The following HECW1 variants were observed in gnomAD, a reference collection of about 807,000 sequenced individuals.
HECW1 encodes the protein HECT, C2 and WW domain containing E3 ubiquitin protein ligase 1, also known as E3 ubiquitin-protein ligase HECW1.
In HECW1, 61 loss-of-function variants were observed where a neutral mutation model predicts 182.3. That is an observed-to-expected ratio of 0.33 (90% CI 0.27 to 0.41). The LOEUF is 0.41. Among genes scored for constraint, HECW1 ranks in the 10% least tolerant of loss-of-function variants. HECW1 has a pLI of 1.00. For synonymous variants in HECW1, 859 were observed against 832.6 expected (o/e 1.03, Z -0.55); for missense variants, 1,739 against 2,108.9 (o/e 0.82, Z 3.44).
chr7:43,367,102 A>G (rs1244522683), intron 6 of HECW1, among the ~76,000 whole-genome samples: 1 of 152,186 alleles, frequency 6.6e-6, no homozygotes, highest in Non-Finnish European at 1.5e-5. Flanking sequence ...GGCTTTCATG[A>G]TATCACCAGG....
At chr7:43,266,638 GA>G (rs1045623762) in intron 3 of HECW1, among the ~76,000 whole-genome samples, 86 of 152,170 alleles carry the variant, frequency 5.7e-4, no homozygotes, top group African/African-American at 2.0e-3. Flanking sequence ...CCGGCCTCAG[GA>G]AATGTTTTAA....
At chr7:43,185,657 G>A (rs1793328238) in intron 2 of HECW1, among the ~76,000 whole-genome samples, 1 of 152,170 alleles carries the variant, frequency 6.6e-6, no homozygotes, top group Non-Finnish European at 1.5e-5. Flanking sequence ...TTGTATGAGA[G>A]TAGGAGAAAG....
intron 2 of HECW1, among the ~76,000 whole-genome samples, chr7:43,212,454 A>G (rs1418897702): frequency 1.3e-5 from 2 of 152,194 alleles, no homozygotes; most frequent in African/African-American, 2.4e-5. Context: ...TTATGTTATA[A>G]TTATGTTTAA....
At chr7:43,529,961 T>A (rs139484352) in intron 24 of HECW1, among the ~76,000 whole-genome samples, 433 of 151,928 alleles carry the variant, frequency 2.9e-3, no homozygotes, top group African/African-American at 9.9e-3. Flanking sequence ...TTATTTATTT[T>A]TTTTTTGAGA....
At chr7:43,451,728 T>A (rs1033568837) in intron 12 of HECW1, among the ~76,000 whole-genome samples, 2 of 152,220 alleles carry the variant, frequency 1.3e-5, no homozygotes, top group African/African-American at 4.8e-5. Flanking sequence ...CCCCAGACAT[T>A]ATATATTCAC....
intron 2 of HECW1, among the ~76,000 whole-genome samples, chr7:43,162,354 C>T (rs181731731): frequency 6.6e-6 from 1 of 152,330 alleles, no homozygotes; most frequent in East Asian, 1.9e-4. Context: ...GCTCCAGAGC[C>T]CAATCAGTGC....
chr7:43,552,881 A>G (rs1035400459), intron 28 of HECW1, among the ~76,000 whole-genome samples: 7 of 152,060 alleles, frequency 4.6e-5, no homozygotes, highest in African/African-American at 9.7e-5. Context: ...CCAACTCCCA[A>G]CCTGAACTTT....
At chr7:43,379,647 G>A (rs773638546) in intron 6 of HECW1, among the ~76,000 whole-genome samples, 2 of 152,042 alleles carry the variant, frequency 1.3e-5, no homozygotes, top group Admixed American at 6.5e-5. Flanking sequence ...CTTGAATACA[G>A]CAAGATGGTT....
chr7:43,273,877 G>A (rs1166411372), intron 3 of HECW1, among the ~76,000 whole-genome samples: 9 of 144,904 alleles, frequency 6.2e-5, no homozygotes, highest in Non-Finnish European at 1.0e-4. Flanking sequence ...TTTTTGAGAT[G>A]GAGTCTCTCT....
chr7:43,210,767 C>T (rs560580006), intron 2 of HECW1, among the ~76,000 whole-genome samples: 15 of 152,250 alleles, frequency 9.9e-5, no homozygotes, highest in South Asian at 2.1e-4. Context: ...CAGCAATGGG[C>T]GCCTCACTGG....
intron 2 of HECW1, among the ~76,000 whole-genome samples, chr7:43,142,613 C>T (rs1215320313): frequency 6.6e-6 from 1 of 152,156 alleles, no homozygotes; most frequent in Admixed American, 6.5e-5. Context: ...CAGGCCTGGC[C>T]CCTCTGTGGC....
chr7:43,540,528 T>TA (rs2081326912), intron 24 of HECW1, among the ~76,000 whole-genome samples: 1 of 152,220 alleles, frequency 6.6e-6, no homozygotes, highest in Non-Finnish European at 1.5e-5. Context: ...TAAAGGCACT[T>TA]ACATCTGGAG....
At chr7:43,478,299 C>G (rs542901430) in intron 16 of HECW1, among the ~76,000 whole-genome samples, 7 of 152,134 alleles carry the variant, frequency 4.6e-5, no homozygotes, top group Admixed American at 4.6e-4. Flanking sequence ...ACCTGTAATC[C>G]CAGCTACTCA....
chr7:43,552,559 C>G (rs979806252), intron 28 of HECW1, among the ~76,000 whole-genome samples: 2 of 152,138 alleles, frequency 1.3e-5, no homozygotes, highest in African/African-American at 4.8e-5. Context: ...GAAGCAGTTG[C>G]TCTCACTCTC....
chr7:43,159,537 A>G (rs1390157244), intron 2 of HECW1, among the ~76,000 whole-genome samples: 2 of 152,204 alleles, frequency 1.3e-5, no homozygotes, highest in Non-Finnish European at 2.9e-5. Context: ...GGGCACAGGT[A>G]TATGCACATT....
Position 43,445,071 on chromosome 7 carries a change from CG to C in HECW1, c.1904del (p.Gly635AlafsTer177). The C allele has an allele frequency of 6.3e-7, 1 of 1,596,834 alleles. No homozygotes were observed. The highest frequency in any genetic ancestry group is 1.1e-5 in the South Asian group (1 of 89,336). ...CAGGCACGGCGCACCCTGGCCACTC[CG>C]GGGGCCACTTCCCCAGCCTGGCCAA... ...TPGTAHPGHS[G>X]GHFPSLANGA... On this transcript the variant is annotated frameshift_variant, in exon 11 of 30. Transcript: ENST00000395891. LOFTEE classifies it high-confidence loss of function.
intron 3 of HECW1, among the ~76,000 whole-genome samples, chr7:43,290,129 T>G (rs1402184431): frequency 6.6e-6 from 1 of 152,254 alleles, no homozygotes; most frequent in East Asian, 1.9e-4. Context: ...AAGAAAGGTC[T>G]GGAAAGTGAA....
intron 5 of HECW1, among the ~76,000 whole-genome samples, chr7:43,322,119 G>C (rs1283475311): frequency 6.6e-6 from 1 of 152,142 alleles, no homozygotes; most frequent in African/African-American, 2.4e-5. Context: ...GCCCAGGCTG[G>C]AGTGCAATGG....
At chr7:43,237,904 A>T (rs1193349561) in intron 2 of HECW1, among the ~76,000 whole-genome samples, 1 of 151,882 alleles carries the variant, frequency 6.6e-6, no homozygotes, top group East Asian at 1.9e-4. Flanking sequence ...TATCCATGAC[A>T]GGAAAGTTAA....
Sources: gnomAD v4.1 joint callset for allele counts (sites outside exome capture counted in the v4.1 genomes callset) on GRCh38, gnomAD v4.1.1 for gene constraint, MANE v1.5 for transcripts, NCBI Gene and HGNC (gene_info 2026-07-23, HGNC 2026-07-21) for gene names.